Variants in PCSK9 observed in about 807,000 individuals in gnomAD.
The protein encoded by PCSK9 is proprotein convertase subtilisin/kexin type 9, also known as convertase subtilisin/kexin type 9 preproprotein.
A neutral mutation model predicts 62.1 loss-of-function variants in PCSK9; 57 were observed. That is an observed-to-expected ratio of 0.92 (90% confidence interval 0.74 to 1.14). The LOEUF is 1.14. Among genes scored for constraint, PCSK9 ranks in the 50% most tolerant of loss-of-function variants. The pLI is 0.00. For missense variants in PCSK9, 870 were observed against 959.8 expected (o/e 0.91, Z 1.24); for synonymous variants, 387 against 409.4 (o/e 0.95, Z 0.66).
At chr1:55,052,523 C>G (rs1212762096) in intron 4 of PCSK9, 112 bp downstream of exon 4, 9 of 1,603,860 alleles carry the variant, frequency 5.6e-6, no homozygotes, top group Admixed American at 3.4e-5. Context: ...TTGCACCCCC[C>G]CCAGCTGTCA....
chr1:55,044,010 G>A lies in PCSK9; in HGVS notation c.375G>A (p.Lys125=), dbSNP rs767164134. ...FHGLLPGFLV[K]MSGDLLELAL... The stretch of plus-strand genomic sequence containing the variant: ...GCCTTCTTCCTGGCTTCCTGGTGAA[G>A]ATGAGTGGCGACCTGCTGGAGCTGG... Residue 125 remains lysine, a synonymous_variant, in exon 2 of 12, where the codon AAG becomes AAA. Transcript: ENST00000302118. 1 of 1,614,224 alleles carries A rather than the reference G, an allele frequency of 6.2e-7. No individual in the cohort carries two copies. Among genetic ancestry groups the A allele is most frequent in the East Asian group, 2.2e-5 (1 of 44,882 alleles).
chr1:55,046,109 CAGGCTGGAGA>C (rs1303535187), intron 2 of PCSK9, among the ~76,000 whole-genome samples: 3 of 152,214 alleles, frequency 2.0e-5, no homozygotes, highest in African/African-American at 4.8e-5. Flanking sequence ...TTGCACTGAG[CAGGCTGGAGA>C]AGGCTGGAGA....
Position 55,063,779 on chromosome 1 carries a change from C to A in PCSK9, c.*195C>A. On this transcript the variant is annotated 3_prime_UTR_variant, in exon 12 of 12. Transcript: ENST00000302118. The stretch of plus-strand genomic sequence containing the variant: ...GCCTGGAACTCACTCACTCTGGGTG[C>A]CTCCTCCCCAGGTGGAGGTGCCAGG... 1.5e-6 allele frequency: 1 copy of A among 653,974 alleles called. No homozygotes were observed. The highest frequency in any genetic ancestry group is 2.6e-6 in the Non-Finnish European group (1 of 388,888). The allele number at this position is 653,974 out of a possible 1,614,324, so 40.5% of individuals were successfully genotyped here.
intron 9 of PCSK9, among the ~76,000 whole-genome samples, chr1:55,058,955 G>C (rs1234008597): frequency 6.6e-6 from 1 of 152,220 alleles, no homozygotes; most frequent in Non-Finnish European, 1.5e-5. Flanking sequence ...GAGGGTCAGC[G>C]ATCTGCTACT....
intron 2 of PCSK9, among the ~76,000 whole-genome samples, chr1:55,045,940 C>G (rs1644631503): frequency 8.9e-6 from 1 of 112,708 alleles, no homozygotes; most frequent in Admixed American, 9.9e-5. Flanking sequence ...GAACTCTCGA[C>G]CTCAGGTGAT....
chr1:55,044,532 C>T (rs1042028952), intron 2 of PCSK9, among the ~76,000 whole-genome samples: 2 of 152,112 alleles, frequency 1.3e-5, no homozygotes, highest in Non-Finnish European at 2.9e-5. Flanking sequence ...GTCACATCTT[C>T]GGTGGAGGGG....
chr1:55,059,447 A>G, intron 9 of PCSK9, 39 bp from the exon 10 acceptor site: 7 of 1,550,208 alleles, frequency 4.5e-6, no homozygotes, highest in Non-Finnish European at 6.1e-6. Context: ...TTCAAAGCCC[A>G]TTCTAAAGCA....
Position 55,058,036 on chromosome 1 carries a change from G to T in PCSK9, c.1181G>T (p.Gly394Val), listed in dbSNP as rs376066497. 1.1e-5 allele frequency: 18 copies of T among 1,613,540 alleles called. No individual in the cohort carries two copies. The highest frequency in any genetic ancestry group is 6.7e-5 in the Admixed American group (4 of 60,016). ...CTTTCACCATTCACCCCTGCACCAG[G>T]CATTGCAGCCATGATGCTGTCTGCC... Reference protein sequence around the residue: ...GTSQAAAHVAGIAAMMLSAEP... With the variant: ...GTSQAAAHVAVIAAMMLSAEP... The change falls in exon 8 of 12, where the codon GGC (glycine) becomes GTC (valine). Residue 394 changes from glycine (G) to valine (V), a missense_variant and splice_region_variant. Physicochemically the swap from Gly to Val is moderately radical, Grantham distance 109. Coordinates refer to ENST00000302118, the MANE Select transcript of PCSK9 (RefSeq NM_174936.4).
At chr1:55,058,280 C>G in intron 8 of PCSK9, 71 bp downstream of exon 8, 1 of 1,549,126 alleles carries the variant, frequency 6.5e-7, no homozygotes, top group Non-Finnish European at 8.8e-7. Context: ...GACAGTCTCT[C>G]CCTTCTCCCT....
chr1:55,064,808 A>G lies in PCSK9; in HGVS notation c.*1224A>G, dbSNP rs1644790179. ...TTCTGGGTTTTGTAGCATTTTTATTAATATGGTGACTTTTTAAAATAAAAA... is the reference window on the plus strand; with the variant it reads ...TTCTGGGTTTTGTAGCATTTTTATTGATATGGTGACTTTTTAAAATAAAAA... On this transcript the variant is annotated 3_prime_UTR_variant, in exon 12 of 12. Coordinates refer to ENST00000302118, the MANE Select transcript of PCSK9 (RefSeq NM_174936.4). 1 of 152,090 alleles carries G rather than the reference A, an allele frequency of 6.6e-6. No individual in the cohort carries two copies. Among genetic ancestry groups the G allele is most frequent in the African/African-American group, 2.4e-5 (1 of 41,408 alleles). The allele number at this position is 152,090 out of a possible 1,614,324, so 9.4% of individuals were successfully genotyped here.
intron 1 of PCSK9, among the ~76,000 whole-genome samples, 195 bp from the exon 2 acceptor site, chr1:55,043,648 C>T (rs759503095): frequency 2.0e-5 from 3 of 152,196 alleles, no homozygotes; most frequent in Admixed American, 6.5e-5. Flanking sequence ...TGTTATATAA[C>T]CATGTGAATA....
Position 55,063,627 on chromosome 1 carries a change from G to C in PCSK9, c.*43G>C. ...GGGTGTCTGGGGAGGGTCAAGGGCT[G>C]GGGCTGAGCTTTAAAATGGTTCCGA... On this transcript the variant is annotated 3_prime_UTR_variant, in exon 12 of 12. Coordinates refer to ENST00000302118, the MANE Select transcript of PCSK9 (RefSeq NM_174936.4). 1 of 1,586,098 alleles carries C rather than the reference G, an allele frequency of 6.3e-7. No homozygotes were observed. Among genetic ancestry groups the C allele is most frequent in the Non-Finnish European group, 8.6e-7 (1 of 1,165,662 alleles).
Position 55,059,532 on chromosome 1 carries a change from G to C in PCSK9, c.1550G>C (p.Gly517Ala). 6.4e-7 allele frequency: 1 copy of C among 1,564,214 alleles called. No individual in the cohort carries two copies. Among genetic ancestry groups the C allele is most frequent in the Non-Finnish European group, 8.7e-7 (1 of 1,153,196 alleles). Residue 517 changes from glycine to alanine, a missense_variant, in exon 10 of 12, where the codon GGT (glycine) becomes GCT (alanine). Physicochemically the swap from Gly to Ala is moderately conservative, Grantham distance 60. Coordinates refer to ENST00000302118, the MANE Select transcript of PCSK9 (RefSeq NM_174936.4). ...LVCRAHNAFGGEGVYAIARCC... is the reference protein window; with the variant it reads ...LVCRAHNAFGAEGVYAIARCC... ...TGCCGGGCCCACAACGCTTTTGGGG[G>C]TGAGGGTGTCTACGCCATTGCCAGG... is the stretch of plus-strand genomic sequence containing the variant.
intron 3 of PCSK9, chr1:55,051,664 G>T: frequency 4.6e-6 from 1 of 219,662 alleles, no homozygotes; most frequent in Non-Finnish European, 9.2e-6. Context: ...ATAAAGTGTA[G>T]GGTAGGCGCT....
Position 55,059,500 on chromosome 1 carries a change from G to C in PCSK9, c.1518G>C (p.Lys506Asn), listed in dbSNP as rs903946804. The C allele has an allele frequency of 6.4e-7, 1 of 1,565,526 alleles. No homozygotes were observed. Among genetic ancestry groups the C allele is most frequent in the Non-Finnish European group, 8.7e-7 (1 of 1,153,910 alleles). The change falls in exon 10 of 12, where the codon AAG (lysine) becomes AAC (asparagine). Residue 506 changes from lysine (K) to asparagine (N), a missense_variant. By Grantham distance (94) the Lys-to-Asn change is moderately conservative. Transcript: ENST00000302118. ...RGERMEAQGG[K>N]LVCRAHNAFG... is the part of the protein sequence containing the mutation. ...TTGACTCTAAGGCCCAAGGGGGCAA[G>C]CTGGTCTGCCGGGCCCACAACGCTT...
At position 55,040,958 on chromosome 1, in the gene PCSK9, G is replaced by A. The variant is rs1031747401; in HGVS notation, c.207+914G>A. Among the ~76,000 whole-genome samples the A allele has an allele frequency of 6.6e-6, 1 of 152,204 alleles. No homozygotes were observed. The highest frequency in any genetic ancestry group is 6.5e-5 in the Admixed American group (1 of 15,284). ...GCCCAGGACTTGGCTGAGGTTCTGT[G>A]TCCCCCAGCTTGGAGTCAGATGTGG... is the stretch of plus-strand genomic sequence containing the variant. On this transcript the variant is annotated intron_variant, in intron 1 of 11. Coordinates refer to ENST00000302118, the MANE Select transcript of PCSK9 (RefSeq NM_174936.4). The surrounding 1 kb of genome is among the most constrained non-coding windows in gnomAD (Gnocchi z 4.1).
rs111427099 is a variant in PCSK9, at chr1:55,058,142, C to T, written c.1287C>T (p.Phe429=). The change falls in exon 8 of 12, where the codon TTC becomes TTT. Residue 429 remains phenylalanine (F), a synonymous_variant. Transcript: ENST00000302118. ...SAKDVINEAW[F]PEDQRVLTPN... ...AAGATGTCATCAATGAGGCCTGGTT[C>T]CCTGAGGACCAGCGGGTACTGACCC... 2 of 1,613,634 alleles carry T rather than the reference C, an allele frequency of 1.2e-6. No individual in the cohort carries two copies. The highest frequency in any genetic ancestry group is 8.5e-7 in the Non-Finnish European group (1 of 1,180,034).
chr1:55,059,642 C>G lies in PCSK9; in HGVS notation c.1660C>G (p.Gln554Glu), dbSNP rs149311926. The change falls in exon 10 of 12, where the codon CAA becomes GAA. Residue 554 changes from glutamine to glutamate, a missense_variant. By Grantham distance (29) the Gln-to-Glu change is conservative. Coordinates refer to ENST00000302118, the MANE Select transcript of PCSK9 (RefSeq NM_174936.4). Reference protein sequence around the residue: ...ASMGTRVHCHQQGHVLTGCSS... With the variant: ...ASMGTRVHCHEQGHVLTGCSS... ...CATGGGGACCCGTGTCCACTGCCAC[C>G]AACAGGGCCACGTCCTCACAGGTAG... 249 of 1,551,208 alleles carry G rather than the reference C, an allele frequency of 1.6e-4. No individual in the cohort carries two copies. The African/African-American group carries it at 3.1e-3, about 19-fold the overall frequency.
rs1644594278 is a variant in PCSK9, at chr1:55,040,893, T to C, written c.207+849T>C. Among the ~76,000 whole-genome samples the C allele has an allele frequency of 6.6e-6, 1 of 152,204 alleles. No individual in the cohort carries two copies. Among genetic ancestry groups the C allele is most frequent in the South Asian group, 2.1e-4 (1 of 4,830 alleles). Reference sequence around the variant, plus strand: ...TGGCCCTCAGGCTGTGGGAAGCTTCTTCCCGGGGCGAGACCACTAGCTTTT... The same window carrying C: ...TGGCCCTCAGGCTGTGGGAAGCTTCCTCCCGGGGCGAGACCACTAGCTTTT... On this transcript the variant is annotated intron_variant, in intron 1 of 11. Coordinates refer to ENST00000302118, the MANE Select transcript of PCSK9 (RefSeq NM_174936.4). The surrounding 1 kb of genome is among the most constrained non-coding windows in gnomAD (Gnocchi z 4.1).
Sources: allele counts gnomAD v4.1 joint callset (sites outside exome capture counted in the v4.1 genomes callset), GRCh38; gene constraint gnomAD v4.1.1; non-coding constraint Gnocchi (gnomAD v3.1); transcripts MANE v1.5; gene names NCBI Gene and HGNC (gene_info 2026-07-23, HGNC 2026-07-21).